ZNF532: variants seen among roughly 807,000 people sequenced by gnomAD.
ZNF532 encodes zinc finger protein 532.
Under a neutral mutation model 89.3 loss-of-function variants are expected in ZNF532, and 22 were observed. The observed-to-expected ratio is 0.25, with a 90% confidence interval of 0.18 to 0.35. The LOEUF (loss-of-function observed/expected upper bound fraction) is 0.35, where lower values mean the gene tolerates loss of function less well. Among genes scored for constraint, ZNF532 ranks in the 10% least tolerant of loss-of-function variants. ZNF532 has a pLI of 1.00. For missense variants in ZNF532, 1,132 were observed against 1,643.4 expected (o/e 0.69, Z 5.38); for synonymous variants, 606 against 649.6 (o/e 0.93, Z 1.02).
At chr18:58,893,004 T>C (rs988447614) in intron 2 of ZNF532, among the ~76,000 whole-genome samples, 1 of 145,130 alleles carries the variant, frequency 6.9e-6, no homozygotes, top group African/African-American at 2.7e-5. Flanking sequence ...TTTTTTGAGA[T>C]GGAGTCTTGC....
Position 58,939,449 on chromosome 18 carries a change from G to A in ZNF532, c.2533G>A (p.Val845Met). The A allele has an allele frequency of 6.2e-7, 1 of 1,612,460 alleles. No individual in the cohort carries two copies. Among genetic ancestry groups the A allele is most frequent in the Non-Finnish European group, 8.5e-7 (1 of 1,179,446 alleles). The part of the protein sequence containing the change: ...HYTRRVGFRC[V>M]HCNVVYSDVA... ...GTGTGTTTATTTTTCTAACAGATGT[G>A]TGCATTGCAATGTTGTGTACTCTGA... Residue 845 changes from valine to methionine, a missense_variant, in exon 5 of 10, where the codon GTG becomes ATG. Val to Met is a conservative substitution (Grantham distance 21). This residue lies in a region of ZNF532 where 415 missense variants were observed against 604.8 expected (regional missense o/e 0.69). Coordinates refer to ENST00000591808, the MANE Select transcript of ZNF532 (RefSeq NM_001375912.1).
chr18:58,948,847 G>A (rs186260870), intron 6 of ZNF532, among the ~76,000 whole-genome samples: 18 of 152,086 alleles, frequency 1.2e-4, no homozygotes, highest in Non-Finnish European at 1.9e-4. Context: ...ATGAGCCACC[G>A]CGCCTGGCCG....
rs141903116 is a variant in ZNF532, at chr18:58,919,100, C to T, written c.813C>T (p.Ile271=). ...TKSSSKLSSC[I]AAIAALSAKK... is the part of the protein sequence containing the mutation. ...CGTCCTCCAAGCTCTCGTCCTGCAT[C>T]GCTGCCATCGCGGCTCTCAGCGCTA... Residue 271 remains isoleucine, a synonymous_variant, in exon 3 of 10, where the codon ATC becomes ATT. Coordinates refer to ENST00000591808, the MANE Select transcript of ZNF532 (RefSeq NM_001375912.1). This position sits in a 1 kb window ranked among gnomAD's most constrained non-coding sequence, Gnocchi z 6.1. 1,107 of 1,614,218 alleles carry T rather than the reference C, an allele frequency of 6.9e-4. 4 individuals are homozygous for T. The Middle Eastern group carries it at 0.014, about 21-fold the overall frequency.
At chr18:58,880,498 A>G (rs1387466988) in intron 2 of ZNF532, among the ~76,000 whole-genome samples, 1 of 152,192 alleles carries the variant, frequency 6.6e-6, no homozygotes, top group Non-Finnish European at 1.5e-5. Flanking sequence ...TACAATTGCC[A>G]GAGTGGATGA....
At chr18:58,929,960 G>A (rs2061813040) in intron 3 of ZNF532, among the ~76,000 whole-genome samples, 1 of 152,166 alleles carries the variant, frequency 6.6e-6, no homozygotes, top group Admixed American at 6.5e-5. Flanking sequence ...TTTTAATGAG[G>A]TGAGAGTAAT....
At chr18:58,952,564 C>T (rs914489088) in intron 6 of ZNF532, among the ~76,000 whole-genome samples, 1 of 151,770 alleles carries the variant, frequency 6.6e-6, no homozygotes, top group African/African-American at 2.4e-5. Flanking sequence ...ACCACTATGC[C>T]CGAGTAATTT....
chr18:58,974,455 A>G (rs1175999765), intron 7 of ZNF532, among the ~76,000 whole-genome samples: 2 of 152,122 alleles, frequency 1.3e-5, no homozygotes, highest in Admixed American at 6.6e-5. Context: ...CCTTTGATGG[A>G]CCCACCGTAC....
At chr18:58,869,509 A>G (rs1779256449) in intron 2 of ZNF532, among the ~76,000 whole-genome samples, 1 of 152,254 alleles carries the variant, frequency 6.6e-6, no homozygotes. Context: ...ATAAAACACA[A>G]AACAACAATA....
intron 5 of ZNF532, among the ~76,000 whole-genome samples, chr18:58,945,589 G>A (rs768725649): frequency 3.0e-4 from 46 of 152,266 alleles, no homozygotes; most frequent in Non-Finnish European, 5.3e-4. Flanking sequence ...CTCCCCAAAG[G>A]AATGTAGCAT....
chr18:58,868,892 C>G (rs908472418), intron 2 of ZNF532, among the ~76,000 whole-genome samples: 2 of 152,160 alleles, frequency 1.3e-5, no homozygotes, highest in Admixed American at 6.5e-5. Context: ...TTACACAAAC[C>G]TAGATGGTGT....
chr18:58,918,183 G>A (rs1283521530), intron 2 of ZNF532, 88 bp from the exon 3 acceptor site: 4 of 1,223,966 alleles, frequency 3.3e-6, no homozygotes, highest in African/African-American at 1.5e-5. Context: ...CTTAGTAATC[G>A]TTATGTTAGT....
chr18:58,880,759 C>T (rs56049017), intron 2 of ZNF532, among the ~76,000 whole-genome samples: 30,223 of 119,128 alleles, frequency 0.25, 4,074 homozygotes, highest in Middle Eastern at 0.44. Context: ...TAGGCGCGCG[C>T]GCACGCGCGC....
chr18:58,904,845 T>C (rs2059827291), intron 2 of ZNF532, among the ~76,000 whole-genome samples: 1 of 151,618 alleles, frequency 6.6e-6, no homozygotes, highest in Non-Finnish European at 1.5e-5. Context: ...TTTCTTTTTT[T>C]TTTTTTTTTG....
At chr18:58,877,496 C>G (rs1010558088) in intron 2 of ZNF532, among the ~76,000 whole-genome samples, 2 of 152,194 alleles carry the variant, frequency 1.3e-5, no homozygotes, top group African/African-American at 4.8e-5. Flanking sequence ...AAATAAATGT[C>G]TGTTGCATGA....
chr18:58,979,072 C>G lies in ZNF532; in HGVS notation c.3168C>G (p.Pro1056=), dbSNP rs774973151. ...TCCTCCAGCAAATGAAGAAACACCC[C>G]TGCCGCCAGTGTGACAAGTCTTTCA... The part of the protein sequence containing the change: ...KEHGKQMKKH[P]CRQCDKSFSS... Residue 1056 remains proline (P), a synonymous_variant, in exon 8 of 10, where the codon CCC becomes CCG. Coordinates refer to ENST00000591808, the MANE Select transcript of ZNF532 (RefSeq NM_001375912.1). 1.9e-6 allele frequency: 3 copies of G among 1,611,688 alleles called. No individual in the cohort carries two copies. In the Admixed American group the frequency reaches 5.0e-5, roughly 27 times the overall value.
chr18:58,927,928 C>T (rs1884257180), intron 3 of ZNF532, among the ~76,000 whole-genome samples: 1 of 152,136 alleles, frequency 6.6e-6, no homozygotes, highest in Non-Finnish European at 1.5e-5. Flanking sequence ...CTTTCTTAGC[C>T]CCGTCTTTAA....
intron 7 of ZNF532, among the ~76,000 whole-genome samples, chr18:58,968,427 C>T (rs1026156344): frequency 1.3e-5 from 2 of 152,248 alleles, no homozygotes; most frequent in African/African-American, 4.8e-5. Flanking sequence ...CCTTACCCCT[C>T]TCTTCCTTTT....
At chr18:58,922,522 A>G (rs2061190350) in intron 3 of ZNF532, among the ~76,000 whole-genome samples, 1 of 152,230 alleles carries the variant, frequency 6.6e-6, no homozygotes, top group Non-Finnish European at 1.5e-5. Context: ...ACTTAGTTCA[A>G]GAAGGCTATG....
At chr18:58,872,300 G>A (rs1309137487) in intron 2 of ZNF532, among the ~76,000 whole-genome samples, 1 of 152,154 alleles carries the variant, frequency 6.6e-6, no homozygotes, top group South Asian at 2.1e-4. Context: ...GATAAAATCA[G>A]GGTGTTGTGG....
Sources: gnomAD v4.1 joint callset for allele counts (sites outside exome capture counted in the v4.1 genomes callset) on GRCh38, gnomAD v4.1.1 for gene constraint, gnomAD v4.1.1 regional missense constraint, Gnocchi (gnomAD v3.1) non-coding constraint, MANE v1.5 for transcripts, NCBI Gene and HGNC (gene_info 2026-07-23, HGNC 2026-07-21) for gene names.